The following DIDO1 variants were observed in gnomAD, a reference collection of about 807,000 sequenced individuals.
DIDO1 encodes death inducer-obliterator 1.
DIDO1 carries 16 observed loss-of-function variants against 99.4 expected under a neutral mutation model. The ratio of observed to expected loss-of-function variants is 0.16; its 90% confidence interval spans 0.11 to 0.24. The LOEUF is 0.24. Among genes scored for constraint, DIDO1 ranks in the 10% least tolerant of loss-of-function variants. The pLI is 1.00. For synonymous variants in DIDO1, 1,366 were observed against 1,239.1 expected (o/e 1.10, Z -2.15); for missense variants, 2,996 against 3,014.0 (o/e 0.99, Z 0.14).
At chr20:62,901,667 T>C (rs1245267142) in intron 6 of DIDO1, among the ~76,000 whole-genome samples, 1 of 152,164 alleles carries the variant, frequency 6.6e-6, no homozygotes, top group Non-Finnish European at 1.5e-5. Flanking sequence ...CCTTAAGCTC[T>C]TCTTGCCGAA....
At chr20:62,936,562 A>T (rs2147619555) in intron 1 of DIDO1, among the ~76,000 whole-genome samples, 1 of 151,222 alleles carries the variant, frequency 6.6e-6, no homozygotes, top group African/African-American at 2.4e-5. Flanking sequence ...CTCAAAAAAT[A>T]GAATAAAATA....
chr20:62,879,687 C>T lies in DIDO1; in HGVS notation c.6269G>A (p.Arg2090Gln), dbSNP rs755584475. The change falls in exon 16 of 16, where the codon CGG (arginine) becomes CAG (glutamine). Residue 2090 changes from arginine to glutamine, a missense_variant. By Grantham distance (43) the Arg-to-Gln change is conservative. Transcript: ENST00000395343. The surrounding 1 kb of genome is among the most constrained non-coding windows in gnomAD (Gnocchi z 6.3). Reference sequence around the variant, plus strand: ...CTTCTCTTTGGGCCCCACGTCAAACCGCTCTCTCTGCCTCCCTTCGAAAGT... The same window carrying T: ...CTTCTCTTTGGGCCCCACGTCAAACTGCTCTCTCTGCCTCCCTTCGAAAGT... ...NQTFEGRQRE[R>Q]FDVGPKEKPL... 8 of 1,610,448 alleles carry T rather than the reference C, an allele frequency of 5.0e-6. No homozygotes were observed. In the East Asian group the frequency reaches 1.1e-4, roughly 22 times the overall value.
chr20:62,893,025 A>G, intron 12 of DIDO1, 63 bp from the exon 13 acceptor site: 1 of 1,511,736 alleles, frequency 6.6e-7, no homozygotes. Context: ...TTTCAAAAGT[A>G]GAAAGCCTTT....
At chr20:62,889,566 T>A (rs2064357610) in intron 15 of DIDO1, 1 of 985,448 alleles carries the variant, frequency 1.0e-6, no homozygotes, top group Non-Finnish European at 1.2e-6. Context: ...GTGCACACAC[T>A]GTCGCACTTG....
chr20:62,905,143 TAA>T, intron 6 of DIDO1: 1 of 1,022,946 alleles, frequency 9.8e-7, no homozygotes, highest in Non-Finnish European at 1.2e-6. Flanking sequence ...GATATGATCT[TAA>T]GAGTCTAAAC....
At chr20:62,932,333 A>C (rs188992980) in intron 1 of DIDO1, among the ~76,000 whole-genome samples, 20 of 152,344 alleles carry the variant, frequency 1.3e-4, no homozygotes, top group African/African-American at 4.3e-4. Flanking sequence ...TTCTACTTCT[A>C]CCTGCCCATC....
At chr20:62,905,280 G>C (rs1158639443) in intron 6 of DIDO1, 2 of 1,377,764 alleles carry the variant, frequency 1.5e-6, no homozygotes, top group Non-Finnish European at 1.9e-6. Context: ...AAGCAGGAGT[G>C]TGTGGCCTTC....
At chr20:62,888,653 TACAC>T (rs1007758061) in intron 15 of DIDO1, 1 of 984,034 alleles carries the variant, frequency 1.0e-6, no homozygotes, top group Non-Finnish European at 1.2e-6. Flanking sequence ...GACCTAGCCT[TACAC>T]ACACACACGC....
chr20:62,916,033 T>A (rs193278298), intron 1 of DIDO1, among the ~76,000 whole-genome samples: 40 of 152,300 alleles, frequency 2.6e-4, no homozygotes, highest in Admixed American at 6.5e-5. Context: ...AGAGAAAATT[T>A]ACTATAACAT....
rs2064450957 is a variant in DIDO1 at position 62,893,754 on chromosome 20, A to T, written c.3013T>A (p.Ser1005Thr). The change falls in exon 12 of 16, where the codon TCT (serine) becomes ACT (threonine). Residue 1005 changes from serine to threonine, a missense_variant. Physicochemically the swap from Ser to Thr is moderately conservative, Grantham distance 58. This residue lies in a region of DIDO1 where 898 missense variants were observed against 972.7 expected (regional missense o/e 0.92). Transcript: ENST00000395343. ...AGTATGGACTTGGGCACCATCACAG[A>T]AGTCAAGACAGGCTTCGGCACATCC... ...RQDVPKPVLT[S>T]VMVPKSILAK... 1 of 1,614,210 alleles carries T rather than the reference A, an allele frequency of 6.2e-7. No homozygotes were observed. Among genetic ancestry groups the T allele is most frequent in the Non-Finnish European group, 8.5e-7 (1 of 1,180,030 alleles).
Position 62,882,351 on chromosome 20 carries a change from G to A in DIDO1, c.3605C>T (p.Pro1202Leu). 2 of 1,613,986 alleles carry A rather than the reference G, an allele frequency of 1.2e-6. No individual in the cohort carries two copies. The highest frequency in any genetic ancestry group is 1.7e-6 in the Non-Finnish European group (2 of 1,180,010). Reference sequence around the variant, plus strand: ...CTTGTCTAACTCTCCACTGTTTGCGGGACGTTTGATTTTTTGGCAGATTAC... The same window carrying A: ...CTTGTCTAACTCTCCACTGTTTGCGAGACGTTTGATTTTTTGGCAGATTAC... The part of the protein sequence containing the change: ...GLVICQKIKR[P>L]ANSGELDKMD... Residue 1202 changes from proline to leucine, a missense_variant, in exon 16 of 16, where the codon CCC becomes CTC. Pro to Leu is a moderately conservative substitution (Grantham distance 98, BLOSUM62 -3). Coordinates refer to ENST00000395343, the MANE Select transcript of DIDO1 (RefSeq NM_001193369.2).
intron 1 of DIDO1, among the ~76,000 whole-genome samples, chr20:62,916,500 T>C (rs2065040565): frequency 6.6e-6 from 1 of 152,238 alleles, no homozygotes; most frequent in Admixed American, 6.5e-5. Flanking sequence ...GTGGAATGTA[T>C]TGCTATTTTC....
chr20:62,881,505 T>C lies in DIDO1; in HGVS notation c.4451A>G (p.Lys1484Arg). The C allele has an allele frequency of 6.2e-7, 1 of 1,611,098 alleles. No homozygotes were observed. The highest frequency in any genetic ancestry group is 8.5e-7 in the Non-Finnish European group (1 of 1,180,008). ...CTGTCTCTTCTGCTCCTCGATCTGT[T>C]TGTTCAGCTCTTCTAGCATCTTCTG... ...EQQKMLEELNKQIEEQKRQLE... is the reference protein window; with the variant it reads ...EQQKMLEELNRQIEEQKRQLE... Residue 1484 changes from lysine to arginine, a missense_variant, in exon 16 of 16, where the codon AAA becomes AGA. By Grantham distance (26) the Lys-to-Arg change is conservative (BLOSUM62 2). This residue lies in a region of DIDO1 where 1,562 missense variants were observed against 1,412.6 expected (regional missense o/e 1.11). Coordinates refer to ENST00000395343, the MANE Select transcript of DIDO1 (RefSeq NM_001193369.2). This position sits in a 1 kb window ranked among gnomAD's most constrained non-coding sequence, Gnocchi z 8.3.
intron 4 of DIDO1, among the ~76,000 whole-genome samples, chr20:62,909,040 G>T (rs1012245263): frequency 9.2e-5 from 14 of 152,242 alleles, no homozygotes; most frequent in Admixed American, 7.9e-4. Context: ...CCAGCCTTCG[G>T]ACATCCTCAC....
At position 62,911,763 on chromosome 20, in the gene DIDO1, T is replaced by C; in HGVS notation, c.-2-149A>G. ...CTTCTGACCAGTGTTTCCTAATGTG[T>C]GCTATGTGAGATGATTCAAGATGAT... On this transcript the variant is annotated intron_variant, in intron 2 of 15. Coordinates refer to ENST00000395343, the MANE Select transcript of DIDO1 (RefSeq NM_001193369.2). This position sits in a 1 kb window ranked among gnomAD's most constrained non-coding sequence, Gnocchi z 7.0. The C allele has an allele frequency of 1.6e-6, 1 of 608,248 alleles. No homozygotes were observed. The highest frequency in any genetic ancestry group is 3.2e-5 in the South Asian group (1 of 31,730). The allele number at this position is 608,248 out of a possible 1,614,324, so 37.7% of individuals were successfully genotyped here.
chr20:62,904,316 G>A (rs986248336), intron 6 of DIDO1, among the ~76,000 whole-genome samples: 2 of 152,136 alleles, frequency 1.3e-5, no homozygotes, highest in Non-Finnish European at 2.9e-5. Flanking sequence ...TGAGACATTT[G>A]CTAGCATAAA....
At chr20:62,914,681 C>T (rs1293694213) in intron 1 of DIDO1, among the ~76,000 whole-genome samples, 2 of 152,094 alleles carry the variant, frequency 1.3e-5, no homozygotes, top group African/African-American at 2.4e-5. Context: ...AGGCAGAGGC[C>T]CAGCCAGACC....
Position 62,896,604 on chromosome 20 carries a change from C to A in DIDO1, c.1981G>T (p.Ala661Ser), listed in dbSNP as rs1293102317. ...PAPGRLGAMS[A>S]APSQPNSQIR... ...TGTGAATTTGGCTGCGATGGTGCAG[C>A]ACTCATAGCCCCAAGGCGTCCTGGG... is the stretch of plus-strand genomic sequence containing the variant. The change falls in exon 7 of 16, where the codon GCT becomes TCT. Residue 661 changes from alanine (A) to serine (S), a missense_variant. Coordinates refer to ENST00000395343, the MANE Select transcript of DIDO1 (RefSeq NM_001193369.2). This position sits in a 1 kb window ranked among gnomAD's most constrained non-coding sequence, Gnocchi z 4.4. The A allele has an allele frequency of 6.2e-7, 1 of 1,611,704 alleles. No individual in the cohort carries two copies. The highest frequency in any genetic ancestry group is 8.5e-7 in the Non-Finnish European group (1 of 1,178,966).
chr20:62,879,316 G>A lies in DIDO1; in HGVS notation c.6640C>T (p.Arg2214Trp). Residue 2214 changes from arginine to tryptophan, a missense_variant, in exon 16 of 16, where the codon CGG becomes TGG. Physicochemically the swap from Arg to Trp is moderately radical, Grantham distance 101 (BLOSUM62 -3). Transcript: ENST00000395343. This position sits in a 1 kb window ranked among gnomAD's most constrained non-coding sequence, Gnocchi z 6.3. ...CGAGCGCTCTCTTTGCTCTTGCTCC[G>A]GTCCTTGCGGTCGCGGCCCCGCTCC... ...DRERGRDRKD[R>W]SKSKESARDP... The A allele has an allele frequency of 2.5e-6, 4 of 1,569,502 alleles. No homozygotes were observed. Among genetic ancestry groups the A allele is most frequent in the Non-Finnish European group, 3.4e-6 (4 of 1,159,684 alleles).
Sources: allele counts gnomAD v4.1 joint callset (sites outside exome capture counted in the v4.1 genomes callset), GRCh38; gene constraint gnomAD v4.1.1; regional missense constraint gnomAD v4.1.1; non-coding constraint Gnocchi (gnomAD v3.1); transcripts MANE v1.5; gene names NCBI Gene and HGNC (gene_info 2026-07-23, HGNC 2026-07-21).